ZIC4: variants seen among roughly 807,000 people sequenced by gnomAD.
ZIC4 encodes the protein Zic family zinc finger 4.
A neutral mutation model predicts 28.8 loss-of-function variants in ZIC4; 15 were observed. That is an observed-to-expected ratio of 0.52 (90% CI 0.35 to 0.80). The LOEUF (loss-of-function observed/expected upper bound fraction) is 0.80. Among genes scored for constraint, ZIC4 ranks in the 30% least tolerant of loss-of-function variants. ZIC4 has a pLI of 0.01. For synonymous variants in ZIC4, 220 were observed against 198.1 expected (o/e 1.11, Z -0.93); for missense variants, 512 against 467.1 (o/e 1.10, Z -0.89).
intron 1 of ZIC4, 165 bp downstream of exon 1, chr3:147,406,198 G>A (rs1248047420): frequency 3.3e-5 from 5 of 152,934 alleles, no homozygotes; most frequent in African/African-American, 1.2e-4. Flanking sequence ...CTTTATCCAC[G>A]GTTGGGGGAG....
chr3:147,395,723 A>G (rs2087025085), intron 3 of ZIC4, 129 bp downstream of exon 3: 2 of 1,384,960 alleles, frequency 1.4e-6, no homozygotes, highest in East Asian at 2.3e-5. Flanking sequence ...TTAATATTTT[A>G]TGGCCTTGGC....
chr3:147,403,982 A>G (rs1337733842), intron 1 of ZIC4: 1 of 1,536,954 alleles, frequency 6.5e-7, no homozygotes, highest in South Asian at 1.2e-5. Context: ...AGAGGGTATT[A>G]TTATTTTCAA....
intron 3 of ZIC4, chr3:147,392,429 C>G: frequency 1.0e-6 from 1 of 985,478 alleles, no homozygotes; most frequent in Non-Finnish European, 1.2e-6. Context: ...TCACGGCCAG[C>G]TGAATTCGCT....
At chr3:147,402,113 A>G (rs2087175981) in intron 2 of ZIC4, among the ~76,000 whole-genome samples, 2 of 152,212 alleles carry the variant, frequency 1.3e-5, no homozygotes, top group South Asian at 2.1e-4. Flanking sequence ...CCTGGAAGGG[A>G]AAATACCACC....
intron 3 of ZIC4, chr3:147,393,984 G>C (rs575424278): frequency 1.0e-4 from 46 of 455,892 alleles, no homozygotes; most frequent in South Asian, 7.2e-4. Context: ...GCTCCTGTTT[G>C]CCGCTTCTGC....
chr3:147,404,358 G>A (rs1057175463), intron 1 of ZIC4: 6 of 1,192,678 alleles, frequency 5.0e-6, no homozygotes, highest in South Asian at 2.8e-5. Flanking sequence ...GATTGGACTA[G>A]GGCAGGCAAC....
At position 147,390,029 on chromosome 3, in the gene ZIC4, T is replaced by C. The variant is rs79712621; in HGVS notation, c.1004+902A>G. Among the ~76,000 whole-genome samples the C allele has an allele frequency of 1.9e-3, 283 of 152,274 alleles. 1 individual carries two copies. The highest frequency in any genetic ancestry group is 6.5e-3 in the African/African-American group (268 of 41,544). On this transcript the variant is annotated intron_variant, in intron 4 of 4. Transcript: ENST00000383075. ...CCTCACAGCATTGAATCCTGAAGCC[T>C]CTCTGGTGTTCCTTTGTCTGTATTT...
Position 147,396,444 on chromosome 3 carries a change from G to A in ZIC4, c.96C>T (p.Pro32=). The A allele has an allele frequency of 1.3e-6, 2 of 1,520,006 alleles. No homozygotes were observed. Among genetic ancestry groups the A allele is most frequent in the Non-Finnish European group, 1.8e-6 (2 of 1,138,074 alleles). The allele number at this position is 1,520,006 out of a possible 1,614,324, so 94.2% of individuals were successfully genotyped here. A position where few individuals can be genotyped will look rare whatever the true frequency, so the allele number is the denominator to read the frequency against. ...ESSSSSGHHG[P]QLTAASSPSV... ...AGGGGCTGGAGGCGGCGGTGAGCTG[G>A]GGGCCATGGTGTCCAGAGCTGCTAC... Residue 32 remains proline, a synonymous_variant, in exon 3 of 5, where the codon CCC becomes CCT. Coordinates refer to ENST00000383075, the MANE Select transcript of ZIC4 (RefSeq NM_032153.6). This position sits in a 1 kb window ranked among gnomAD's most constrained non-coding sequence, Gnocchi z 4.2.
chr3:147,405,345 T>C (rs1454816411), intron 1 of ZIC4: 6 of 1,524,614 alleles, frequency 3.9e-6, no homozygotes, highest in African/African-American at 1.4e-5. Flanking sequence ...GCGAGGACAA[T>C]ACTGTCGGAA....
chr3:147,395,896 A>G lies in ZIC4; in HGVS notation c.644T>C (p.Phe215Ser). 1 of 1,614,170 alleles carries G rather than the reference A, an allele frequency of 6.2e-7. No homozygotes were observed. The highest frequency in any genetic ancestry group is 1.1e-5 in the South Asian group (1 of 91,080). Residue 215 changes from phenylalanine (F) to serine (S), a missense_variant, in exon 3 of 5, where the codon TTT (phenylalanine) becomes TCT (serine). Phe to Ser is a radical substitution (Grantham distance 155). Around this residue, in one of 3 missense-constraint regions of ZIC4, gnomAD observed 58 missense variants for 93.8 expected, o/e 0.62. Coordinates refer to ENST00000383075, the MANE Select transcript of ZIC4 (RefSeq NM_032153.6). ...PCPFPGCGKV[F>S]ARSENLKIHK... ...TATTTTGAGATTTTCTGATCTAGCA[A>G]AGACCTTCCCACACCCCGGGAAAGG...
chr3:147,392,288 G>C, intron 3 of ZIC4: 1 of 985,798 alleles, frequency 1.0e-6, no homozygotes, highest in African/African-American at 1.7e-5. Context: ...CAGCCCGGAG[G>C]GCCACCAGGC....
At chr3:147,394,435 G>A (rs923415148) in intron 3 of ZIC4, among the ~76,000 whole-genome samples, 3 of 150,992 alleles carry the variant, frequency 2.0e-5, no homozygotes, top group Admixed American at 6.6e-5. Flanking sequence ...TTCAAACAGT[G>A]GGCCGGCAAA....
intron 2 of ZIC4, among the ~76,000 whole-genome samples, chr3:147,401,378 A>G (rs2087162178): frequency 6.6e-6 from 1 of 152,246 alleles, no homozygotes; most frequent in South Asian, 2.1e-4. Context: ...GCTAAATTAA[A>G]TGATGATTGT....
chr3:147,404,154 T>C, intron 1 of ZIC4: 7 of 1,526,172 alleles, frequency 4.6e-6, no homozygotes, highest in Non-Finnish European at 6.1e-6. Flanking sequence ...CATGGAAAAG[T>C]CCTGGTTGGT....
chr3:147,399,545 A>C (rs1325673435), intron 2 of ZIC4, among the ~76,000 whole-genome samples: 1 of 152,192 alleles, frequency 6.6e-6, no homozygotes, highest in Non-Finnish European at 1.5e-5. Flanking sequence ...GAACTTCTGC[A>C]ATATTTCGGC....
intron 2 of ZIC4, among the ~76,000 whole-genome samples, chr3:147,400,212 C>A (rs894738109): frequency 2.6e-5 from 4 of 152,262 alleles, no homozygotes; most frequent in Non-Finnish European, 4.4e-5. Flanking sequence ...AGTTTATGGG[C>A]CCTCTGGAAT....
At chr3:147,393,178 G>A (rs1026258374) in intron 3 of ZIC4, among the ~76,000 whole-genome samples, 1 of 150,250 alleles carries the variant, frequency 6.7e-6, no homozygotes, top group African/African-American at 2.5e-5. Flanking sequence ...ATCCGATCTC[G>A]TGAGCGCCTC....
rs1265010801 is a variant in ZIC4, at chr3:147,386,379, G to A, written c.*2480C>T. 3.0e-4 allele frequency: 46 copies of A among 152,738 alleles called. No homozygotes were observed. 9.5% of individuals were successfully genotyped at this position (152,738 alleles called of 1,614,324 possible). A position where few individuals can be genotyped will look rare whatever the true frequency, so the allele number is the denominator to read the frequency against. Reference sequence around the variant, plus strand: ...TATATGTGAATTATGATTACAAAATGTTTGCCTGTCTGTATAATTCACATT... The same window carrying A: ...TATATGTGAATTATGATTACAAAATATTTGCCTGTCTGTATAATTCACATT... On this transcript the variant is annotated 3_prime_UTR_variant, in exon 5 of 5. Coordinates refer to ENST00000383075, the MANE Select transcript of ZIC4 (RefSeq NM_032153.6).
At chr3:147,404,251 C>T in intron 1 of ZIC4, 2 of 1,438,532 alleles carry the variant, frequency 1.4e-6, no homozygotes, top group South Asian at 1.5e-5. Flanking sequence ...AAGGCAGCCC[C>T]AACCCAACTT....
Sources: gnomAD v4.1 joint callset for allele counts (sites outside exome capture counted in the v4.1 genomes callset) on GRCh38, gnomAD v4.1.1 for gene constraint, gnomAD v4.1.1 regional missense constraint, Gnocchi (gnomAD v3.1) non-coding constraint, MANE v1.5 for transcripts, NCBI Gene and HGNC (gene_info 2026-07-23, HGNC 2026-07-21) for gene names.